CSTPP1: variants seen among roughly 807,000 people sequenced by gnomAD.
CSTPP1 encodes UPF0705 protein C11orf49.
the CSTPP1 span, among the ~76,000 whole-genome samples, chr11:47,104,476 T>A: frequency 2.0e-5 from 3 of 152,350 alleles, no homozygotes; most frequent in Admixed American, 2.0e-4. Context: ...CACATCATTT[T>A]GTCCTCTCTG....
chr11:47,022,101 C>T, the CSTPP1 span, among the ~76,000 whole-genome samples: 1 of 151,240 alleles, frequency 6.6e-6, no homozygotes, highest in Admixed American at 6.6e-5. Flanking sequence ...GGTAATATCC[C>T]ATGAAGGGAT....
the CSTPP1 span, among the ~76,000 whole-genome samples, chr11:47,087,176 G>C: frequency 6.6e-6 from 1 of 152,092 alleles, no homozygotes; most frequent in Non-Finnish European, 1.5e-5. Context: ...ATCATTATTT[G>C]CATAAGAGCA....
At chr11:46,956,517 G>A in the CSTPP1 span, among the ~76,000 whole-genome samples, 10 of 152,068 alleles carry the variant, frequency 6.6e-5, no homozygotes, top group African/African-American at 2.4e-4. Flanking sequence ...AGCATTTAGG[G>A]GAGACAAGAA....
chr11:47,093,619 T>C, the CSTPP1 span, among the ~76,000 whole-genome samples: 2 of 152,208 alleles, frequency 1.3e-5, no homozygotes, highest in Admixed American at 1.3e-4. Flanking sequence ...GCAGTGGTTT[T>C]TGAGCCACCA....
chr11:47,155,283 C>G, the CSTPP1 span: 3 of 1,593,856 alleles, frequency 1.9e-6, no homozygotes, highest in African/African-American at 1.3e-5. Context: ...GGGGCTCCAT[C>G]TGGCTCCGCA....
chr11:46,951,989 G>A, the CSTPP1 span, among the ~76,000 whole-genome samples: 1 of 152,124 alleles, frequency 6.6e-6, no homozygotes, highest in Non-Finnish European at 1.5e-5. Flanking sequence ...TTTGTTTGGC[G>A]CTTCAGGTGG....
At chr11:46,976,392 G>GTC in the CSTPP1 span, among the ~76,000 whole-genome samples, 5 of 24,760 alleles carry the variant, frequency 2.0e-4, no homozygotes, top group Admixed American at 2.8e-3. Flanking sequence ...CTAGGTTTCA[G>GTC]TCACACACAC....
At chr11:47,079,267 C>T in the CSTPP1 span, among the ~76,000 whole-genome samples, 6 of 152,210 alleles carry the variant, frequency 3.9e-5, no homozygotes, top group Middle Eastern at 3.4e-3. Flanking sequence ...AGGGTGAGAG[C>T]GTGTTGGAGA....
chr11:47,074,855 C>T, the CSTPP1 span, among the ~76,000 whole-genome samples: 995 of 152,308 alleles, frequency 6.5e-3, 8 homozygotes, highest in African/African-American at 0.021. Context: ...AGGGAGCTCC[C>T]TCATTCATCG....
the CSTPP1 span, among the ~76,000 whole-genome samples, chr11:46,949,724 A>G: frequency 2.7e-5 from 4 of 150,622 alleles, no homozygotes; most frequent in African/African-American, 4.9e-5. Flanking sequence ...CTGGAGTGCA[A>G]TGGCACAATC....
chr11:46,998,723 A>G, the CSTPP1 span, among the ~76,000 whole-genome samples: 2 of 152,022 alleles, frequency 1.3e-5, no homozygotes, highest in East Asian at 3.9e-4. Context: ...TTCAGGCTTC[A>G]GTTTTTTTGT....
the CSTPP1 span, among the ~76,000 whole-genome samples, chr11:47,026,439 T>A: frequency 6.6e-6 from 1 of 152,076 alleles, no homozygotes; most frequent in Non-Finnish European, 1.5e-5. Context: ...TAATTGTTGT[T>A]ATTTTTTTTT....
the CSTPP1 span, among the ~76,000 whole-genome samples, chr11:46,955,771 C>T: frequency 2.0e-5 from 3 of 151,868 alleles, no homozygotes; most frequent in Non-Finnish European, 4.4e-5. Context: ...GTGGGCAGAT[C>T]ACCTGAGGTC....
the CSTPP1 span, among the ~76,000 whole-genome samples, chr11:47,138,213 G>A: frequency 6.6e-6 from 1 of 152,152 alleles, no homozygotes; most frequent in Non-Finnish European, 1.5e-5. Context: ...TTCACATGGT[G>A]GTAGGAGAGA....
the CSTPP1 span, among the ~76,000 whole-genome samples, chr11:47,055,990 G>T: frequency 6.6e-6 from 1 of 152,188 alleles, no homozygotes; most frequent in African/African-American, 2.4e-5. Context: ...TGTTATCAGA[G>T]GTTATCTTTC....
chr11:46,997,078 T>C, the CSTPP1 span, among the ~76,000 whole-genome samples: 1 of 152,218 alleles, frequency 6.6e-6, no homozygotes, highest in Non-Finnish European at 1.5e-5. Flanking sequence ...GTTCTCTGTA[T>C]TTCCTGAATT....
the CSTPP1 span, among the ~76,000 whole-genome samples, chr11:47,101,187 T>A: frequency 2.8e-4 from 28 of 101,756 alleles, no homozygotes; most frequent in Admixed American, 5.4e-4. Context: ...TTTTTTTTTT[T>A]TTATTTTATT....
chr11:47,121,678 CAG>C, the CSTPP1 span, among the ~76,000 whole-genome samples: 1 of 152,064 alleles, frequency 6.6e-6, no homozygotes, highest in Non-Finnish European at 1.5e-5. Context: ...AAAGTCAAGG[CAG>C]AGTTTCAAGT....
At chr11:47,058,845 C>T in the CSTPP1 span, among the ~76,000 whole-genome samples, 1 of 152,164 alleles carries the variant, frequency 6.6e-6, no homozygotes, top group Admixed American at 6.5e-5. Context: ...TGCATCAACA[C>T]TGCATGACAG....
Sources: allele counts gnomAD v4.1 joint callset (sites outside exome capture counted in the v4.1 genomes callset), GRCh38; gene constraint gnomAD v4.1.1; transcripts MANE v1.5; gene names NCBI Gene and HGNC (gene_info 2026-07-23, HGNC 2026-07-21).